The following NUFIP1 variants were observed in gnomAD, a reference collection of about 807,000 sequenced individuals.
The protein encoded by NUFIP1 is FMR1-interacting protein NUFIP1.
NUFIP1 carries 38 observed loss-of-function variants against 56.2 expected under a neutral mutation model. That is an observed-to-expected ratio of 0.68 (90% CI 0.52 to 0.89). The LOEUF (loss-of-function observed/expected upper bound fraction) is 0.89, where lower values mean the gene tolerates loss of function less well. Ranked by LOEUF, NUFIP1 falls within the 40% of genes least tolerant of loss-of-function variation. The pLI is 0.00. For synonymous variants in NUFIP1, 215 were observed against 212.4 expected, an observed-to-expected ratio of 1.01 and a Z score of -0.10; for missense variants, 567 against 605.8, an observed-to-expected ratio of 0.94 and a Z score of 0.67.
intron 6 of NUFIP1, among the ~76,000 whole-genome samples, chr13:44,960,695 A>C (rs1019343338): frequency 6.6e-6 from 1 of 152,196 alleles, no homozygotes; most frequent in Non-Finnish European, 1.5e-5. Context: ...CTATCAGAAC[A>C]CATAAGCCTA....
In NUFIP1 at chr13:44,943,351, A is replaced by AACAC. The variant is rs36045762; in HGVS notation, c.1371+87_1371+90dup. ...ATGTGTCTCTGGTAACCTTAAAACA[A>AACAC]ACACACACACACACACACACACACA... On this transcript the variant is annotated intron_variant, in intron 9 of 9. Coordinates refer to ENST00000379161, the MANE Select transcript of NUFIP1 (RefSeq NM_012345.3). 1.2e-3 allele frequency: 1,134 copies of AACAC among 938,214 alleles called. 4 individuals are homozygous for AACAC. Among genetic ancestry groups the AACAC allele is most frequent in the African/African-American group, 0.01 (589 of 58,482 alleles). The allele number at this position is 938,214 out of a possible 1,614,324, so 58.1% of individuals were successfully genotyped here.
At chr13:44,960,121 A>C (rs1216692732) in intron 6 of NUFIP1, among the ~76,000 whole-genome samples, 1 of 151,804 alleles carries the variant, frequency 6.6e-6, no homozygotes, top group African/African-American at 2.4e-5. Flanking sequence ...TAGTAGAGTC[A>C]AGGTTTCACC....
Position 44,943,496 on chromosome 13 carries a change from G to T in NUFIP1, c.1317C>A (p.His439Gln), listed in dbSNP as rs1236806082. ...KTNPKRKKDY[H>Q]NYQTLFEPRT... ...TTGGTTCGAATAACGTTTGATAGTT[G>T]TGATAATCTTTTTTCCTCTTAGGGT... The change falls in exon 9 of 10, where the codon CAC becomes CAA. Residue 439 changes from histidine (H) to glutamine (Q), a missense_variant. Coordinates refer to ENST00000379161, the MANE Select transcript of NUFIP1 (RefSeq NM_012345.3). 3.1e-6 allele frequency: 5 copies of T among 1,614,090 alleles called. No individual in the cohort carries two copies. The highest frequency in any genetic ancestry group is 4.2e-6 in the Non-Finnish European group (5 of 1,179,992).
intron 5 of NUFIP1, among the ~76,000 whole-genome samples, chr13:44,976,082 G>C (rs1871964028): frequency 6.6e-6 from 1 of 152,136 alleles, no homozygotes; most frequent in Non-Finnish European, 1.5e-5. Flanking sequence ...ACACCAATAA[G>C]TTGAACCAAC....
intron 8 of NUFIP1, among the ~76,000 whole-genome samples, chr13:44,949,242 C>A (rs1455260156): frequency 1.6e-5 from 2 of 128,978 alleles, no homozygotes; most frequent in Admixed American, 1.8e-4. Flanking sequence ...CGCTCTGTCG[C>A]CCAGGCTGGA....
At chr13:44,988,223 G>A (rs529671644) in intron 1 of NUFIP1, among the ~76,000 whole-genome samples, 1 of 152,314 alleles carries the variant, frequency 6.6e-6, no homozygotes, top group East Asian at 1.9e-4. Context: ...GTTAGAGACA[G>A]GCCTGTCCAA....
At chr13:44,974,644 T>A (rs370846369) in intron 5 of NUFIP1, among the ~76,000 whole-genome samples, 1 of 152,166 alleles carries the variant, frequency 6.6e-6, no homozygotes, top group African/African-American at 2.4e-5. Flanking sequence ...CTCAAACTCC[T>A]GGGCTCAAGG....
At chr13:44,967,097 G>C (rs61649271) in intron 5 of NUFIP1, among the ~76,000 whole-genome samples, 47 of 152,126 alleles carry the variant, frequency 3.1e-4, no homozygotes, top group African/African-American at 1.1e-3. Flanking sequence ...TATAAAGACT[G>C]GGGGGTAGGG....
At position 44,959,578 on chromosome 13, in the gene NUFIP1, G is replaced by T. The variant is rs1191313496; in HGVS notation, c.828-4C>A. 2 of 1,590,646 alleles carry T rather than the reference G, an allele frequency of 1.3e-6. No individual in the cohort carries two copies. Among genetic ancestry groups the T allele is most frequent in the Non-Finnish European group, 1.7e-6 (2 of 1,172,344 alleles). The stretch of plus-strand genomic sequence containing the variant: ...TCTGGACATCCCCTTCATCTTGCTG[G>T]AGTAAGAAAATTGCAATTTTTAATA... On this transcript the variant is annotated splice_region_variant and splice_polypyrimidine_tract_variant and intron_variant, in intron 6 of 9. Transcript: ENST00000379161.
At chr13:44,948,907 G>A (rs1870982603) in intron 8 of NUFIP1, among the ~76,000 whole-genome samples, 1 of 152,170 alleles carries the variant, frequency 6.6e-6, no homozygotes, top group African/African-American at 2.4e-5. Context: ...CCTTTAAAAT[G>A]CACAAGCTAA....
chr13:44,952,108 T>A (rs1355714089), intron 7 of NUFIP1, among the ~76,000 whole-genome samples: 4 of 152,188 alleles, frequency 2.6e-5, no homozygotes, highest in Admixed American at 2.6e-4. Flanking sequence ...CATTCTCTAT[T>A]ATTTTACTCA....
At chr13:44,966,999 T>C (rs1208162084) in intron 5 of NUFIP1, among the ~76,000 whole-genome samples, 1 of 148,136 alleles carries the variant, frequency 6.8e-6, no homozygotes, top group African/African-American at 2.5e-5. Context: ...AATAAATAAA[T>C]AAAATAAAAT....
At chr13:44,979,583 T>C (rs991439541) in intron 4 of NUFIP1, among the ~76,000 whole-genome samples, 1 of 152,174 alleles carries the variant, frequency 6.6e-6, no homozygotes, top group Non-Finnish European at 1.5e-5. Flanking sequence ...ACTAAAGATA[T>C]GAGTAGACGT....
Position 44,989,431 on chromosome 13 carries a change from A to T in NUFIP1, c.6T>A (p.Ala2=). The part of the protein sequence containing the change: M[A]EPTSDFETPI... ...GAGTCTCGAAATCACTAGTCGGCTC[A>T]GCCATACCACTGGCGGGTCCGGAGT... Residue 2 remains alanine, a synonymous_variant, in exon 1 of 10, where the codon GCT becomes GCA. Transcript: ENST00000379161. 6.2e-7 allele frequency: 1 copy of T among 1,613,376 alleles called. No homozygotes were observed. The highest frequency in any genetic ancestry group is 8.5e-7 in the Non-Finnish European group (1 of 1,179,722).
At chr13:44,948,162 T>TTTTA (rs1870958870) in intron 8 of NUFIP1, among the ~76,000 whole-genome samples, 3 of 149,856 alleles carry the variant, frequency 2.0e-5, no homozygotes, top group African/African-American at 4.9e-5. Context: ...TTTTTTTTTT[T>TTTTA]GAGCCAGAGT....
chr13:44,989,342 G>A lies in NUFIP1; in HGVS notation c.95C>T (p.Pro32Leu), dbSNP rs755989885. 5 of 1,613,140 alleles carry A rather than the reference G, an allele frequency of 3.1e-6. No homozygotes were observed. The highest frequency in any genetic ancestry group is 4.2e-6 in the Non-Finnish European group (5 of 1,179,770). The change falls in exon 1 of 10, where the codon CCG becomes CTG. Residue 32 changes from proline (P) to leucine (L), a missense_variant. Pro to Leu is a moderately conservative substitution (Grantham distance 98). Transcript: ENST00000379161. ...PTLGPLSDTA[P>L]PRDSWMFWAM... ...CCAGAACATCCAGCTGTCCCGCGGC[G>A]GGGCAGTGTCGCTCAGGGGCCCTAA...
chr13:44,953,404 C>T (rs1343228134), intron 7 of NUFIP1, among the ~76,000 whole-genome samples: 2 of 152,094 alleles, frequency 1.3e-5, no homozygotes, highest in South Asian at 2.1e-4. Flanking sequence ...TGCTCTAATG[C>T]TGACTTGCTA....
chr13:44,946,520 G>GT (rs1394495256), intron 8 of NUFIP1, among the ~76,000 whole-genome samples: 1 of 152,148 alleles, frequency 6.6e-6, no homozygotes, highest in African/African-American at 2.4e-5. Context: ...CCATTTGGAA[G>GT]TATTTCTTAT....
chr13:44,960,538 A>G (rs1012910955), intron 6 of NUFIP1, among the ~76,000 whole-genome samples: 3 of 152,134 alleles, frequency 2.0e-5, no homozygotes, highest in African/African-American at 7.2e-5. Flanking sequence ...CAGTGCCAGG[A>G]TTATAGGCAT....
Sources: gnomAD v4.1 joint callset for allele counts (sites outside exome capture counted in the v4.1 genomes callset) on GRCh38, gnomAD v4.1.1 for gene constraint, MANE v1.5 for transcripts, NCBI Gene and HGNC (gene_info 2026-07-23, HGNC 2026-07-21) for gene names.